Variants in EIF2B1 observed in about 807,000 individuals in gnomAD.
EIF2B1 encodes the protein eukaryotic translation initiation factor 2B subunit alpha.
Under a neutral mutation model 36.8 loss-of-function variants are expected in EIF2B1, and 30 were observed. The ratio of observed to expected loss-of-function variants is 0.81; its 90% CI spans 0.61 to 1.10. EIF2B1 has a LOEUF of 1.10. EIF2B1 is among the 50% of genes least tolerant of loss of function. The pLI is 0.00. For missense variants in EIF2B1, 271 were observed against 374.8 expected (o/e 0.72, Z 2.29); for synonymous variants, 139 against 142.2 (o/e 0.98, Z 0.16).
chr12:123,620,581 T>C lies in EIF2B1; in HGVS notation c.*1175A>G, dbSNP rs1275689527. 4 of 8,944 alleles carry C rather than the reference T, an allele frequency of 4.5e-4. No individual in the cohort carries two copies. Among genetic ancestry groups the C allele is most frequent in the Non-Finnish European group, 7.7e-4 (2 of 2,598 alleles). The allele number at this position is 8,944 out of a possible 1,614,324, so 0.6% of individuals were successfully genotyped here. ...GTCACATATAGACATATGTACATAT[T>C]ATATATATATATATATATATATATA... On this transcript the variant is annotated 3_prime_UTR_variant, in exon 9 of 9. Coordinates refer to ENST00000424014, the MANE Select transcript of EIF2B1 (RefSeq NM_001414.4).
rs1199869111 is a variant in EIF2B1 at position 123,621,390 on chromosome 12, C to T, written c.*366G>A. ...GTGGCAGAGGGGTGTGGCTGCTTTT[C>T]GCCTGCATCTCGCGTGCTTTAGGCA... On this transcript the variant is annotated 3_prime_UTR_variant, in exon 9 of 9. Coordinates refer to ENST00000424014, the MANE Select transcript of EIF2B1 (RefSeq NM_001414.4). 1.7e-5 allele frequency: 6 copies of T among 344,822 alleles called. No homozygotes were observed. The highest frequency in any genetic ancestry group is 1.0e-3 in the Middle Eastern group (1 of 994). The allele number at this position is 344,822 out of a possible 1,614,324, so 21.4% of individuals were successfully genotyped here. A position where few individuals can be genotyped will look rare whatever the true frequency, so the allele number is the denominator to read the frequency against.
chr12:123,624,785 A>T lies in EIF2B1; in HGVS notation c.627+2T>A, dbSNP rs1391650383. On this transcript the variant is annotated splice_donor_variant, in intron 7 of 8. Coordinates refer to ENST00000424014, the MANE Select transcript of EIF2B1 (RefSeq NM_001414.4). LOFTEE classifies it high-confidence loss of function. ...GGAACTGGGGAGAACTGATGCTCTTACCTTGTTAATAATTCCTCCGTTTTC... is the reference window on the plus strand; with the variant it reads ...GGAACTGGGGAGAACTGATGCTCTTTCCTTGTTAATAATTCCTCCGTTTTC... The T allele has an allele frequency of 6.2e-7, 1 of 1,613,486 alleles. No homozygotes were observed. The highest frequency in any genetic ancestry group is 8.5e-7 in the Non-Finnish European group (1 of 1,179,574).
At chr12:123,625,425 TCGC>T (rs1955141246) in intron 6 of EIF2B1, among the ~76,000 whole-genome samples, 1 of 152,036 alleles carries the variant, frequency 6.6e-6, no homozygotes, top group Non-Finnish European at 1.5e-5. Context: ...AGATGGGGTT[TCGC>T]CATATTGCCC....
rs1244098471 is a variant in EIF2B1 at position 123,621,521 on chromosome 12, A to G, written c.*235T>C. On this transcript the variant is annotated 3_prime_UTR_variant, in exon 9 of 9. Transcript: ENST00000424014. The stretch of plus-strand genomic sequence containing the variant: ...CTTGTATTTCTGGAAACTGAAAAGG[A>G]AAGTTTCTAGAAACCGTAAGAACAA... 1.8e-6 allele frequency: 1 copy of G among 558,090 alleles called. No homozygotes were observed. The highest frequency in any genetic ancestry group is 3.3e-5 in the East Asian group (1 of 30,616). The allele number at this position is 558,090 out of a possible 1,614,324, so 34.6% of individuals were successfully genotyped here. A position where few individuals can be genotyped will look rare whatever the true frequency, so the allele number is the denominator to read the frequency against.
At chr12:123,629,657 C>G (rs112914919) in intron 4 of EIF2B1, among the ~76,000 whole-genome samples, 5,567 of 152,102 alleles carry the variant, frequency 0.037, 261 homozygotes, top group African/African-American at 0.11. Flanking sequence ...GCTGGGCTTG[C>G]TGGTGGGCAC....
intron 7 of EIF2B1, 147 bp from the exon 8 acceptor site, chr12:123,622,908 G>A: frequency 8.4e-7 from 1 of 1,185,052 alleles, no homozygotes; most frequent in Non-Finnish European, 1.2e-6. Context: ...CCATGAGTTT[G>A]GGACCAGCCT....
intron 2 of EIF2B1, among the ~76,000 whole-genome samples, chr12:123,631,533 G>C (rs1371161619): frequency 1.3e-5 from 2 of 151,798 alleles, no homozygotes; most frequent in Admixed American, 6.6e-5. Flanking sequence ...ATTTGGCCGG[G>C]CCCGGTGGCT....
chr12:123,622,432 A>G (rs1332619054), intron 8 of EIF2B1, among the ~76,000 whole-genome samples: 2 of 152,208 alleles, frequency 1.3e-5, no homozygotes, highest in African/African-American at 4.8e-5. Flanking sequence ...CTCTCCACCC[A>G]TCTATGGTGC....
chr12:123,626,814 T>C (rs768148492), intron 5 of EIF2B1: 4 of 690,984 alleles, frequency 5.8e-6, no homozygotes, highest in African/African-American at 1.8e-5. Context: ...CAATACAATC[T>C]CTGCTCTTCC....
chr12:123,620,580 T>TTATATA lies in EIF2B1; in HGVS notation c.*1170_*1175dup, dbSNP rs68169681. On this transcript the variant is annotated 3_prime_UTR_variant, in exon 9 of 9. Coordinates refer to ENST00000424014, the MANE Select transcript of EIF2B1 (RefSeq NM_001414.4). Reference sequence around the variant, plus strand: ...GGTCACATATAGACATATGTACATATTATATATATATATATATATATATAT... The same window carrying TTATATA: ...GGTCACATATAGACATATGTACATATTATATATATATATATATATATATATATATAT... 8.8e-3 allele frequency: 570 copies of TTATATA among 64,782 alleles called. 7 individuals are homozygous for TTATATA. Among genetic ancestry groups the TTATATA allele is most frequent in the East Asian group, 0.014 (10 of 712 alleles). 4.0% of individuals were successfully genotyped at this position (64,782 alleles called of 1,614,324 possible).
intron 6 of EIF2B1, chr12:123,626,130 C>T: frequency 2.5e-6 from 1 of 405,534 alleles, no homozygotes; most frequent in South Asian, 2.3e-5. Context: ...AAGACTCCAT[C>T]TCAAAAAAAC....
chr12:123,633,673 C>A lies in EIF2B1; in HGVS notation c.-116G>T. The A allele has an allele frequency of 6.6e-7, 1 of 1,526,264 alleles. No homozygotes were observed. Among genetic ancestry groups the A allele is most frequent in the South Asian group, 1.1e-5 (1 of 89,344 alleles). The allele number at this position is 1,526,264 out of a possible 1,614,324, so 94.5% of individuals were successfully genotyped here. ...GACAGCGCGCTGCACACCTCCGCACCCCACTTCCGGCGCACTTCCGTACCC... is the reference window on the plus strand; with the variant it reads ...GACAGCGCGCTGCACACCTCCGCACACCACTTCCGGCGCACTTCCGTACCC... On this transcript the variant is annotated 5_prime_UTR_variant, in exon 1 of 9. Coordinates refer to ENST00000424014, the MANE Select transcript of EIF2B1 (RefSeq NM_001414.4).
rs746730077 is a variant in EIF2B1, at chr12:123,630,169, C to T, written c.369G>A (p.Ala123=). ...DLCHTFIKDG[A]TILTHAYSRV... is the part of the protein sequence containing the mutation. The stretch of plus-strand genomic sequence containing the variant: ...ACCACCATGATGATTATCCACTCAC[C>T]GCTCCATCTTTGATGAAAGTATGGC... Residue 123 remains alanine, a splice_region_variant and synonymous_variant, in exon 4 of 9, where the codon GCG becomes GCA. Coordinates refer to ENST00000424014, the MANE Select transcript of EIF2B1 (RefSeq NM_001414.4). This position sits in a 1 kb window ranked among gnomAD's most constrained non-coding sequence, Gnocchi z 4.6. The T allele has an allele frequency of 1.5e-5, 24 of 1,613,140 alleles. No homozygotes were observed. Among genetic ancestry groups the T allele is most frequent in the East Asian group, 2.2e-5 (1 of 44,888 alleles).
chr12:123,624,135 A>G (rs1186729473), intron 7 of EIF2B1, among the ~76,000 whole-genome samples: 1 of 149,732 alleles, frequency 6.7e-6, no homozygotes, highest in African/African-American at 2.4e-5. Flanking sequence ...ATATTTGTGT[A>G]TATATATTAT....
intron 5 of EIF2B1, 55 bp downstream of exon 5, chr12:123,626,989 C>G (rs1955153617): frequency 6.6e-7 from 1 of 1,514,402 alleles, no homozygotes; most frequent in African/African-American, 1.4e-5. Context: ...CTGTAATCCG[C>G]AGTTTGCTCT....
chr12:123,630,281 T>G lies in EIF2B1; in HGVS notation c.257A>C (p.Tyr86Ser). 1 of 1,613,970 alleles carries G rather than the reference T, an allele frequency of 6.2e-7. No individual in the cohort carries two copies. Among genetic ancestry groups the G allele is most frequent in the Non-Finnish European group, 8.5e-7 (1 of 1,179,972 alleles). ...ISLASLEYSDYSKCKKIMIER... is the reference protein window; with the variant it reads ...ISLASLEYSDSSKCKKIMIER... ...AATCATGATCTTTTTACATTTGGAGTAATCCTAGGAAGAAAAGAGCAAACT... is the reference window on the plus strand; with the variant it reads ...AATCATGATCTTTTTACATTTGGAGGAATCCTAGGAAGAAAAGAGCAAACT... Residue 86 changes from tyrosine (Y) to serine (S), a missense_variant, in exon 4 of 9, where the codon TAC becomes TCC. Coordinates refer to ENST00000424014, the MANE Select transcript of EIF2B1 (RefSeq NM_001414.4). The surrounding 1 kb of genome is among the most constrained non-coding windows in gnomAD (Gnocchi z 4.6).
chr12:123,632,270 T>TA (rs373001833), intron 2 of EIF2B1, 75 bp downstream of exon 2: 167,846 of 736,044 alleles, frequency 0.23, 7,306 homozygotes, highest in Non-Finnish European at 0.24. Flanking sequence ...TCCGTCTCTT[T>TA]AAAAAAAAAA....
chr12:123,622,407 C>T (rs1406702777), intron 8 of EIF2B1, among the ~76,000 whole-genome samples: 1 of 152,198 alleles, frequency 6.6e-6, no homozygotes, highest in East Asian at 1.9e-4. Flanking sequence ...GACTTACCCA[C>T]CAGCTTCGGG....
chr12:123,623,003 A>G (rs547637672), intron 7 of EIF2B1, among the ~76,000 whole-genome samples: 1 of 152,252 alleles, frequency 6.6e-6, no homozygotes, highest in South Asian at 2.1e-4. Context: ...TAATATAGAT[A>G]TACATATATC....
Sources: gnomAD v4.1 joint callset for allele counts (sites outside exome capture counted in the v4.1 genomes callset) on GRCh38, gnomAD v4.1.1 for gene constraint, Gnocchi (gnomAD v3.1) non-coding constraint, MANE v1.5 for transcripts, NCBI Gene and HGNC (gene_info 2026-07-23, HGNC 2026-07-21) for gene names.